Variants in RELN observed in about 807,000 individuals in gnomAD.
RELN encodes the protein reelin.
RELN carries 108 observed loss-of-function variants against 427.6 expected under a neutral mutation model. That is an observed-to-expected ratio of 0.25 (90% CI 0.22 to 0.30). The LOEUF (loss-of-function observed/expected upper bound fraction) is 0.30, where lower values mean the gene tolerates loss of function less well. Ranked by LOEUF, RELN falls within the 10% of genes least tolerant of loss-of-function variation. The pLI, the probability that RELN is intolerant of heterozygous loss-of-function variation, is 1.00. For synonymous variants in RELN, 1,524 were observed against 1,513.4 expected, an observed-to-expected ratio of 1.01 and a Z score of -0.16; for missense variants, 3,715 against 4,302.8, an observed-to-expected ratio of 0.86 and a Z score of 3.82.
At chr7:103,517,932 G>C (rs902337296) in intron 49 of RELN, among the ~76,000 whole-genome samples, 1 of 152,208 alleles carries the variant, frequency 6.6e-6, no homozygotes, top group African/African-American at 2.4e-5. Flanking sequence ...ATGAAAGGAA[G>C]TACGTGCAGC....
chr7:103,700,986 T>C lies in RELN; in HGVS notation c.826A>G (p.Ser276Gly), dbSNP rs2115796363. ...FSIGSGSCRF[S>G]YSDPSIIVLY... is the part of the protein sequence containing the mutation. ...ACGATGATGCTGGGGTCTGAATAACTAAAGCGACATGAACCTGACCCTGTA... is the reference window on the plus strand; with the variant it reads ...ACGATGATGCTGGGGTCTGAATAACCAAAGCGACATGAACCTGACCCTGTA... Residue 276 changes from serine to glycine, a missense_variant, in exon 9 of 65, where the codon AGT becomes GGT. Physicochemically the swap from Ser to Gly is moderately conservative, Grantham distance 56. Coordinates refer to ENST00000428762, the MANE Select transcript of RELN (RefSeq NM_005045.4). The C allele has an allele frequency of 6.2e-7, 1 of 1,609,642 alleles. No individual in the cohort carries two copies. Among genetic ancestry groups the C allele is most frequent in the Non-Finnish European group, 8.5e-7 (1 of 1,176,068 alleles).
chr7:103,975,087 C>T (rs777993068), intron 1 of RELN, among the ~76,000 whole-genome samples: 12 of 152,178 alleles, frequency 7.9e-5, no homozygotes, highest in Non-Finnish European at 1.0e-4. Flanking sequence ...AGTAGAAACA[C>T]GGTTTTCAGA....
chr7:103,857,133 C>T (rs1346346349), intron 2 of RELN, among the ~76,000 whole-genome samples: 1 of 152,118 alleles, frequency 6.6e-6, no homozygotes. Context: ...CTGCTTATAT[C>T]ATCTGCTCAT....
At position 103,837,155 on chromosome 7, in the gene RELN, T is replaced by G. The variant is rs565545920; in HGVS notation, c.338-3483A>C. Among the ~76,000 whole-genome samples the G allele has an allele frequency of 2.2e-3, 332 of 152,322 alleles. 2 individuals are homozygous for G. Among genetic ancestry groups the G allele is most frequent in the African/African-American group, 7.7e-3 (321 of 41,562 alleles). The stretch of plus-strand genomic sequence containing the variant: ...CCTAAATGGTCCTAGGTTCCCATCA[T>G]TCTTCCCCTGGCATATCAGGATTAC... On this transcript the variant is annotated intron_variant, in intron 2 of 64. Coordinates refer to ENST00000428762, the MANE Select transcript of RELN (RefSeq NM_005045.4).
chr7:103,552,856 AT>A (rs1370143248), intron 40 of RELN, among the ~76,000 whole-genome samples: 8 of 152,122 alleles, frequency 5.3e-5, no homozygotes, highest in South Asian at 2.1e-4. Context: ...TATGAAAAAA[AT>A]ATTCTGAAAA....
intron 21 of RELN, among the ~76,000 whole-genome samples, chr7:103,611,208 T>C (rs1215177656): frequency 1.3e-5 from 2 of 152,192 alleles, no homozygotes; most frequent in Admixed American, 6.5e-5. Context: ...CCCAGATCTA[T>C]ATATTTCTTC....
chr7:103,579,320 C>T (rs1364058565), intron 28 of RELN, among the ~76,000 whole-genome samples: 2 of 152,038 alleles, frequency 1.3e-5, no homozygotes, highest in Admixed American at 6.5e-5. Flanking sequence ...GATCATAGGC[C>T]AGGCGCAGTG....
chr7:103,507,328 C>T (rs1482354131), intron 51 of RELN, among the ~76,000 whole-genome samples: 1 of 152,200 alleles, frequency 6.6e-6, no homozygotes, highest in Non-Finnish European at 1.5e-5. Context: ...TCATAACAAA[C>T]TGTCTCTCAG....
At chr7:103,627,045 C>T (rs1007544348) in intron 20 of RELN, among the ~76,000 whole-genome samples, 49 of 152,164 alleles carry the variant, frequency 3.2e-4, no homozygotes, top group Middle Eastern at 3.4e-3. Flanking sequence ...CCCTGAAGAA[C>T]ACTCTGAGTA....
Position 103,573,901 on chromosome 7 carries a change from C to T in RELN, c.4511+191G>A, listed in dbSNP as rs968783709. On this transcript the variant is annotated intron_variant, in intron 30 of 64. Coordinates refer to ENST00000428762, the MANE Select transcript of RELN (RefSeq NM_005045.4). The surrounding 1 kb of genome is among the most constrained non-coding windows in gnomAD (Gnocchi z 4.4). ...TGACCACACATGGATTTATGAATTG[C>T]AGCATGGTCTTTGTAGAAACCACCT... Among the ~76,000 whole-genome samples the T allele has an allele frequency of 1.3e-5, 2 of 152,166 alleles. No homozygotes were observed. Among genetic ancestry groups the T allele is most frequent in the East Asian group, 3.9e-4 (2 of 5,194 alleles).
intron 64 of RELN, among the ~76,000 whole-genome samples, chr7:103,474,806 G>GA (rs57064398): frequency 0.29 from 38,957 of 135,370 alleles, 5,199 homozygotes; most frequent in Middle Eastern, 0.33. Flanking sequence ...TTCCTTTTAT[G>GA]AAAAAAAAAA....
At chr7:103,564,456 G>A (rs1830703956) in intron 34 of RELN, among the ~76,000 whole-genome samples, 1 of 152,194 alleles carries the variant, frequency 6.6e-6, no homozygotes, top group Non-Finnish European at 1.5e-5. Flanking sequence ...GACACAGGGA[G>A]GAAGTGTTGT....
Position 103,833,556 on chromosome 7 carries a change from T to G in RELN, c.454A>C (p.Thr152Pro). ...SFIWIAPPAGTGCVNFMATAT... is the reference protein window; with the variant it reads ...SFIWIAPPAGPGCVNFMATAT... Reference sequence around the variant, plus strand: ...ACTTACATGAAATTCACACAGCCTGTGCCCGCAGGTGGAGCAATCCAGATG... The same window carrying G: ...ACTTACATGAAATTCACACAGCCTGGGCCCGCAGGTGGAGCAATCCAGATG... The change falls in exon 3 of 65, where the codon ACA becomes CCA. Residue 152 changes from threonine to proline, a missense_variant. Physicochemically the swap from Thr to Pro is conservative, Grantham distance 38. Coordinates refer to ENST00000428762, the MANE Select transcript of RELN (RefSeq NM_005045.4). The G allele has an allele frequency of 3.1e-6, 5 of 1,614,092 alleles. No homozygotes were observed. The highest frequency in any genetic ancestry group is 4.2e-6 in the Non-Finnish European group (5 of 1,179,964).
intron 1 of RELN, among the ~76,000 whole-genome samples, chr7:103,934,422 A>T (rs932750712): frequency 6.6e-6 from 1 of 152,110 alleles, no homozygotes; most frequent in African/African-American, 2.4e-5. Context: ...ATAGCCAGAA[A>T]CCCAAATCCT....
In RELN at chr7:103,553,502, G is replaced by T. The variant is rs374628146; in HGVS notation, c.6031C>A (p.Arg2011Ser). ...NEVGEHSITTRDLNVNENTII... is the reference protein window; with the variant it reads ...NEVGEHSITTSDLNVNENTII... ...GTGTTCTCATTCACATTTAGGTCACGGGTGGTAATGGAATGCTCACCAACT... is the reference window on the plus strand; with the variant it reads ...GTGTTCTCATTCACATTTAGGTCACTGGTGGTAATGGAATGCTCACCAACT... The change falls in exon 40 of 65, where the codon CGT becomes AGT. Residue 2011 changes from arginine (R) to serine (S), a missense_variant. Physicochemically the swap from Arg to Ser is moderately radical, Grantham distance 110. Transcript: ENST00000428762. The T allele has an allele frequency of 2.5e-6, 4 of 1,613,790 alleles. No homozygotes were observed. Among genetic ancestry groups the T allele is most frequent in the Non-Finnish European group, 3.4e-6 (4 of 1,179,840 alleles).
intron 1 of RELN, among the ~76,000 whole-genome samples, chr7:103,956,710 C>T (rs1052467890): frequency 2.6e-5 from 4 of 152,112 alleles, no homozygotes; most frequent in Admixed American, 2.6e-4. Context: ...CTTGGAAGTG[C>T]TGAAATTTCA....
intron 1 of RELN, among the ~76,000 whole-genome samples, chr7:103,977,970 A>G (rs1480224705): frequency 1.3e-5 from 2 of 152,258 alleles, no homozygotes; most frequent in Non-Finnish European, 2.9e-5. Flanking sequence ...ATACTCTAAT[A>G]ACCATCCTTA....
At position 103,500,775 on chromosome 7, in the gene RELN, C is replaced by T. The variant is rs775643854; in HGVS notation, c.8637G>A (p.Gly2879=). The change falls in exon 53 of 65, where the codon GGG becomes GGA. Residue 2879 remains glycine (G), a synonymous_variant. Coordinates refer to ENST00000428762, the MANE Select transcript of RELN (RefSeq NM_005045.4). ...GAGTGTGGGTCAAGTAGCAGTTTGG[C>T]CCTGAGTATCCCGGATCACAGATGC... ...EQCICDPGYS[G]PNCYLTHTLK... 9 of 1,614,044 alleles carry T rather than the reference C, an allele frequency of 5.6e-6. No homozygotes were observed. In the East Asian group the frequency reaches 6.7e-5, roughly 12 times the overall value.
chr7:103,889,508 T>A (rs137936439), intron 2 of RELN, among the ~76,000 whole-genome samples: 1 of 152,186 alleles, frequency 6.6e-6, no homozygotes, highest in Non-Finnish European at 1.5e-5. Flanking sequence ...TTAGTGAGCC[T>A]AGCGTAAGGC....
Sources: allele counts gnomAD v4.1 joint callset (sites outside exome capture counted in the v4.1 genomes callset), GRCh38; gene constraint gnomAD v4.1.1; non-coding constraint Gnocchi (gnomAD v3.1); transcripts MANE v1.5; gene names NCBI Gene and HGNC (gene_info 2026-07-23, HGNC 2026-07-21).